Variants in PRKG1 observed in about 807,000 individuals in gnomAD.
PRKG1 encodes the protein protein kinase cGMP-dependent 1.
In PRKG1, 35 loss-of-function variants were observed where a neutral mutation model predicts 88.1. The ratio of observed to expected loss-of-function variants is 0.40; its 90% CI spans 0.30 to 0.53. PRKG1 has a LOEUF of 0.53. PRKG1 is among the 20% of genes least tolerant of loss of function. The probability of loss-of-function intolerance (pLI) is 0.59; values close to 1 mark genes in which losing one functional copy is unlikely to be tolerated. For missense variants in PRKG1, 540 were observed against 839.8 expected (o/e 0.64, Z 4.41); for synonymous variants, 303 against 292.5 (o/e 1.04, Z -0.37).
chr10:51,819,487 A>G (rs1839686804), intron 4 of PRKG1, among the ~76,000 whole-genome samples: 2 of 152,114 alleles, frequency 1.3e-5, no homozygotes, highest in Admixed American at 1.3e-4. Flanking sequence ...GTTTCTGCAT[A>G]CCTCACTATT....
chr10:52,078,726 G>A (rs1348434316), intron 7 of PRKG1, among the ~76,000 whole-genome samples: 2 of 152,234 alleles, frequency 1.3e-5, no homozygotes, highest in Admixed American at 6.5e-5. Context: ...CTAAAGCAGA[G>A]TGAGTCATTA....
intron 3 of PRKG1, among the ~76,000 whole-genome samples, chr10:51,744,857 A>T (rs918035358): frequency 6.6e-6 from 1 of 152,304 alleles, no homozygotes; most frequent in Middle Eastern, 3.4e-3. Context: ...ATGAAAGATT[A>T]ATCTGCAAAA....
chr10:51,687,152 G>GT (rs1841016202), intron 3 of PRKG1, among the ~76,000 whole-genome samples: 1 of 151,232 alleles, frequency 6.6e-6, no homozygotes, highest in Admixed American at 6.6e-5. Flanking sequence ...AAACTTTCAA[G>GT]AAAAAAAAAG....
chr10:52,227,487 T>A (rs1198052427), intron 9 of PRKG1, among the ~76,000 whole-genome samples: 3 of 152,150 alleles, frequency 2.0e-5, no homozygotes, highest in Non-Finnish European at 4.4e-5. Flanking sequence ...ATTTACATTG[T>A]ATCTGTTATT....
chr10:51,904,032 T>C (rs1257277715), intron 4 of PRKG1, among the ~76,000 whole-genome samples: 1 of 152,164 alleles, frequency 6.6e-6, no homozygotes, highest in Non-Finnish European at 1.5e-5. Context: ...CTTCTATTAT[T>C]GTCATTACAA....
chr10:52,268,886 A>T (rs1011692330), intron 10 of PRKG1, among the ~76,000 whole-genome samples: 2 of 152,048 alleles, frequency 1.3e-5, no homozygotes, highest in African/African-American at 2.4e-5. Flanking sequence ...ATTTAGGATC[A>T]TAATAACTGT....
intron 1 of PRKG1, among the ~76,000 whole-genome samples, chr10:50,995,029 A>G (rs1340200424): frequency 2.0e-5 from 3 of 152,228 alleles, no homozygotes; most frequent in Non-Finnish European, 4.4e-5. Flanking sequence ...GGATTTTGGT[A>G]TCCTCGGAGG....
At chr10:52,249,942 T>C (rs1178585757) in intron 9 of PRKG1, among the ~76,000 whole-genome samples, 1 of 152,188 alleles carries the variant, frequency 6.6e-6, no homozygotes. Context: ...ACGATCTCAT[T>C]AAGGATTTAA....
intron 2 of PRKG1, among the ~76,000 whole-genome samples, chr10:51,401,076 G>A (rs1482839140): frequency 5.9e-5 from 9 of 152,146 alleles, no homozygotes; most frequent in East Asian, 1.9e-4. Context: ...TGTATGTAAC[G>A]TTAAATTTTC....
intron 1 of PRKG1, among the ~76,000 whole-genome samples, chr10:51,117,185 A>C (rs1229071001): frequency 6.6e-6 from 1 of 152,040 alleles, no homozygotes; most frequent in Non-Finnish European, 1.5e-5. Context: ...GAGAACCTGG[A>C]CTCTTAAACA....
intron 4 of PRKG1, among the ~76,000 whole-genome samples, chr10:51,852,228 T>TATATATATATATATATATATATATAC (rs967267602): frequency 1.3e-5 from 2 of 148,564 alleles, no homozygotes; most frequent in African/African-American, 4.9e-5. Flanking sequence ...TATATATATA[T>TATATATATATATATATATATATATAC]ACACACACAC....
intron 7 of PRKG1, 155 bp downstream of exon 7, chr10:52,062,786 A>G (rs374063287): frequency 9.5e-5 from 70 of 736,164 alleles, no homozygotes; most frequent in Non-Finnish European, 1.6e-4. Context: ...ATTTATTTTC[A>G]GCTGGACTTG....
chr10:51,822,006 A>G (rs115171758), intron 4 of PRKG1, among the ~76,000 whole-genome samples: 3,231 of 152,226 alleles, frequency 0.021, 98 homozygotes, highest in African/African-American at 0.073. Flanking sequence ...TGCACTCCAT[A>G]TTTACTACAG....
chr10:51,020,900 A>T (rs1046660155), intron 1 of PRKG1, among the ~76,000 whole-genome samples: 4 of 152,246 alleles, frequency 2.6e-5, no homozygotes, highest in Non-Finnish European at 5.9e-5. Flanking sequence ...ATTAAATGTT[A>T]TTAAGATGCA....
intron 3 of PRKG1, among the ~76,000 whole-genome samples, chr10:51,739,872 C>A (rs1837387025): frequency 6.6e-6 from 1 of 152,102 alleles, no homozygotes; most frequent in South Asian, 2.1e-4. Flanking sequence ...ACTCAGGAGG[C>A]TGAGGTGGAA....
intron 3 of PRKG1, among the ~76,000 whole-genome samples, chr10:51,501,099 G>A (rs1256935356): frequency 6.6e-6 from 1 of 152,094 alleles, no homozygotes; most frequent in African/African-American, 2.4e-5. Flanking sequence ...ATTTTGTTCA[G>A]TTTTCCTGTG....
At chr10:51,977,015 G>T (rs1298993486) in intron 5 of PRKG1, among the ~76,000 whole-genome samples, 1 of 151,838 alleles carries the variant, frequency 6.6e-6, no homozygotes, top group Admixed American at 6.6e-5. Flanking sequence ...GTACAGGTTT[G>T]TTAGATAGGT....
intron 9 of PRKG1, among the ~76,000 whole-genome samples, chr10:52,241,413 C>T (rs1241528909): frequency 2.6e-5 from 4 of 152,140 alleles, no homozygotes; most frequent in South Asian, 2.1e-4. Flanking sequence ...GCAAACCCTT[C>T]GTTTTGCAGA....
intron 16 of PRKG1, among the ~76,000 whole-genome samples, chr10:52,290,016 T>C (rs1178827551): frequency 6.6e-6 from 1 of 152,198 alleles, no homozygotes; most frequent in East Asian, 1.9e-4. Flanking sequence ...TGTTAATTGG[T>C]GTTTAAAATT....
Sources: allele counts gnomAD v4.1 joint callset (sites outside exome capture counted in the v4.1 genomes callset), GRCh38; gene constraint gnomAD v4.1.1; transcripts MANE v1.5; gene names NCBI Gene and HGNC (gene_info 2026-07-23, HGNC 2026-07-21).